MED4: variants seen among roughly 807,000 people sequenced by gnomAD.
MED4 encodes the protein mediator complex subunit 4.
In MED4, 21 loss-of-function variants were observed where a neutral mutation model predicts 35.0. The ratio of observed to expected loss-of-function variants is 0.60; its 90% CI spans 0.43 to 0.86. The LOEUF is 0.86. MED4 is among the 40% of genes least tolerant of loss of function. MED4 has a pLI of 0.00. For missense variants in MED4, 300 were observed against 319.4 expected (o/e 0.94, Z 0.46); for synonymous variants, 138 against 114.0 (o/e 1.21, Z -1.34).
intron 1 of MED4, among the ~76,000 whole-genome samples, chr13:48,094,210 C>T (rs1950909093): frequency 6.6e-6 from 1 of 152,176 alleles, no homozygotes; most frequent in Admixed American, 6.5e-5. Flanking sequence ...GAGTTATGAA[C>T]AGCGGGGTTG....
chr13:48,092,752 G>C (rs896660674), intron 1 of MED4, among the ~76,000 whole-genome samples: 14 of 152,216 alleles, frequency 9.2e-5, no homozygotes, highest in Non-Finnish European at 1.6e-4. Context: ...CCACAAGTGA[G>C]ACATAGACGG....
At chr13:48,090,292 T>C in intron 2 of MED4, 60 bp downstream of exon 2, 1 of 1,343,468 alleles carries the variant, frequency 7.4e-7, no homozygotes, top group East Asian at 2.4e-5. Context: ...AGAAATCAAG[T>C]TTTTTTCTTT....
intron 5 of MED4, among the ~76,000 whole-genome samples, chr13:48,081,314 A>G (rs537421530): frequency 2.6e-5 from 4 of 152,344 alleles, no homozygotes; most frequent in South Asian, 2.1e-4. Flanking sequence ...TAATGGCTCT[A>G]AAGAGTTTGC....
In MED4 at chr13:48,082,654, C is replaced by T. The variant is rs569488445; in HGVS notation, c.421+717G>A. 1.7e-3 allele frequency among the ~76,000 whole-genome samples: 256 copies of T among 152,184 alleles called. 1 individual carries two copies. The highest frequency in any genetic ancestry group is 5.7e-3 in the African/African-American group (238 of 41,530). On this transcript the variant is annotated intron_variant, in intron 4 of 6. Coordinates refer to ENST00000258648, the MANE Select transcript of MED4 (RefSeq NM_014166.4). ...CATCCTGGCTAACACAGTGAAACCC[C>T]GTCTCTACTAAAAATACAAAAAATT...
chr13:48,093,202 G>A (rs746329812), intron 1 of MED4, among the ~76,000 whole-genome samples: 1 of 152,098 alleles, frequency 6.6e-6, no homozygotes, highest in Non-Finnish European at 1.5e-5. Flanking sequence ...GGCTGGTGTG[G>A]AAAACTCAAG....
intron 2 of MED4, among the ~76,000 whole-genome samples, chr13:48,089,603 T>C (rs1489418456): frequency 6.6e-6 from 1 of 152,082 alleles, no homozygotes; most frequent in Non-Finnish European, 1.5e-5. Context: ...TTCTTTTAAA[T>C]TAGCAAGGCA....
At chr13:48,089,503 G>A (rs544463602) in intron 2 of MED4, among the ~76,000 whole-genome samples, 1 of 152,280 alleles carries the variant, frequency 6.6e-6, no homozygotes, top group African/African-American at 2.4e-5. Context: ...AGGCCAAGGT[G>A]GGGAGGATCC....
At chr13:48,086,119 C>A (rs1174988613) in intron 3 of MED4, among the ~76,000 whole-genome samples, 163 bp downstream of exon 3, 2 of 152,144 alleles carry the variant, frequency 1.3e-5, no homozygotes, top group African/African-American at 2.4e-5. Context: ...AAGAGAATGA[C>A]AATAGCCTTT....
At chr13:48,079,806 C>G (rs774126973) in intron 6 of MED4, 38 bp downstream of exon 6, 1 of 1,606,250 alleles carries the variant, frequency 6.2e-7, no homozygotes, top group East Asian at 2.2e-5. Flanking sequence ...TCTGGAAAAC[C>G]CTGATCTGTT....
rs1012131522 is a variant in MED4, at chr13:48,077,122, TTG to T, written c.*15_*16del. 6.3e-7 allele frequency: 1 copy of T among 1,583,726 alleles called. No homozygotes were observed. Among genetic ancestry groups the T allele is most frequent in the African/African-American group, 1.4e-5 (1 of 72,820 alleles). On this transcript the variant is annotated 3_prime_UTR_variant, in exon 7 of 7. Coordinates refer to ENST00000258648, the MANE Select transcript of MED4 (RefSeq NM_014166.4). ...ATTCTACAGTATTCAATTCTGTATATTGTCTTTTAAGGTTTTTCAATCAGACT... is the reference window on the plus strand; with the variant it reads ...ATTCTACAGTATTCAATTCTGTATATTCTTTTAAGGTTTTTCAATCAGACT...
At chr13:48,090,713 C>A (rs1950884270) in intron 1 of MED4, among the ~76,000 whole-genome samples, 1 of 152,086 alleles carries the variant, frequency 6.6e-6, no homozygotes, top group South Asian at 2.1e-4. Context: ...AAGAAAGGAC[C>A]AGGGAAAAGT....
At chr13:48,094,902 G>A (rs1441283275) in intron 1 of MED4, 52 bp downstream of exon 1, 1 of 1,585,680 alleles carries the variant, frequency 6.3e-7, no homozygotes, top group Non-Finnish European at 8.6e-7. Context: ...GCCGGCTCCG[G>A]GGTCAGTCCC....
At chr13:48,082,855 T>C (rs1205083694) in intron 4 of MED4, among the ~76,000 whole-genome samples, 1 of 151,834 alleles carries the variant, frequency 6.6e-6, no homozygotes, top group Non-Finnish European at 1.5e-5. Flanking sequence ...TATTAGCTAT[T>C]TAACAGAAGC....
chr13:48,078,037 TGTAA>T (rs1950774984), intron 6 of MED4, among the ~76,000 whole-genome samples: 1 of 152,188 alleles, frequency 6.6e-6, no homozygotes, highest in Non-Finnish European at 1.5e-5. Flanking sequence ...GAACTGCTAT[TGTAA>T]GTGACTCTCA....
At chr13:48,078,992 C>T (rs1352535202) in intron 6 of MED4, among the ~76,000 whole-genome samples, 1 of 152,042 alleles carries the variant, frequency 6.6e-6, no homozygotes, top group Non-Finnish European at 1.5e-5. Context: ...CCTTTTTCTA[C>T]TTCCCAAATG....
At position 48,081,670 on chromosome 13, in the gene MED4, T is replaced by C. The variant is rs80308585; in HGVS notation, c.483A>G (p.Val161=). The change falls in exon 5 of 7, where the codon GTA becomes GTG. Residue 161 remains valine, a synonymous_variant. Coordinates refer to ENST00000258648, the MANE Select transcript of MED4 (RefSeq NM_014166.4). ...CTGGAACCCAGGTCAGTGGAGCACA[T>C]ACAGCATTACTTGCACTGATCCTAT... The part of the protein sequence containing the change: ...YAHRISASNA[V]CAPLTWVPGD... The C allele has an allele frequency of 3.7e-6, 6 of 1,612,008 alleles. No homozygotes were observed. Among genetic ancestry groups the C allele is most frequent in the Non-Finnish European group, 5.1e-6 (6 of 1,179,154 alleles).
chr13:48,083,676 T>C (rs2137832799), intron 3 of MED4, among the ~76,000 whole-genome samples: 1 of 152,294 alleles, frequency 6.6e-6, no homozygotes, highest in South Asian at 2.1e-4. Context: ...AAAACATAAA[T>C]TGGATTGTCT....
intron 1 of MED4, 68 bp downstream of exon 1, chr13:48,094,885 AG>A: frequency 5.1e-6 from 8 of 1,573,838 alleles, no homozygotes; most frequent in Non-Finnish European, 6.9e-6. Flanking sequence ...GCACAAACGC[AG>A]GGCCGGCCGG....
chr13:48,089,501 G>C (rs529517173), intron 2 of MED4, among the ~76,000 whole-genome samples: 1 of 152,272 alleles, frequency 6.6e-6, no homozygotes, highest in East Asian at 1.9e-4. Flanking sequence ...GTAGGCCAAG[G>C]TGGGGAGGAT....
Sources: allele counts gnomAD v4.1 joint callset (sites outside exome capture counted in the v4.1 genomes callset), GRCh38; gene constraint gnomAD v4.1.1; transcripts MANE v1.5; gene names NCBI Gene and HGNC (gene_info 2026-07-23, HGNC 2026-07-21).